MASP2: variants seen among roughly 807,000 people sequenced by gnomAD.
The protein encoded by MASP2 is MBL associated serine protease 2, also known as mannan-binding lectin serine protease 2.
In MASP2, 49 loss-of-function variants were observed where a neutral mutation model predicts 57.1. The ratio of observed to expected loss-of-function variants is 0.86; its 90% CI spans 0.68 to 1.09. The LOEUF is 1.09. MASP2 is among the 50% of genes least tolerant of loss of function. The pLI is 0.00. For missense variants in MASP2, 900 were observed against 874.8 expected (o/e 1.03, Z -0.36); for synonymous variants, 379 against 340.8 (o/e 1.11, Z -1.24).
At chr1:11,044,963 A>T (rs1426065068) in intron 4 of MASP2, 1 of 1,610,252 alleles carries the variant, frequency 6.2e-7, no homozygotes, top group South Asian at 1.1e-5. Context: ...TCTGGAAGAG[A>T]GATCAGAGAG....
At chr1:11,031,386 A>G (rs1031218157) in intron 8 of MASP2, among the ~76,000 whole-genome samples, 1 of 151,566 alleles carries the variant, frequency 6.6e-6, no homozygotes, top group Non-Finnish European at 1.5e-5. Flanking sequence ...AAAATTAGCC[A>G]GGCGTGGTAG....
chr1:11,043,580 C>T (rs897180827), intron 4 of MASP2, 45 bp from the exon 5 acceptor site: 2 of 1,366,744 alleles, frequency 1.5e-6, no homozygotes, highest in Non-Finnish European at 2.0e-6. Context: ...TGCCCTCTAT[C>T]AGCCCTCGCA....
rs146487307 is a variant in MASP2, at chr1:11,030,192, G to A, written c.1281C>T (p.Leu427=). ...FWTSSKGEKS[L]PVCEPVCGLS... ...ATCCATTACCAGGCTCACAGACTGG[G>A]AGTGATTTTTCTCCTTTGGAGCTCG... is the stretch of plus-strand genomic sequence containing the variant. The change falls in exon 10 of 11, where the codon CTC becomes CTT. Residue 427 remains leucine, a synonymous_variant. Transcript: ENST00000400897. 1.6e-4 allele frequency: 266 copies of A among 1,612,702 alleles called. No homozygotes were observed. The highest frequency in any genetic ancestry group is 2.2e-4 in the Non-Finnish European group (257 of 1,179,244).
chr1:11,046,211 C>A, intron 3 of MASP2: 1 of 369,314 alleles, frequency 2.7e-6, no homozygotes, highest in South Asian at 2.4e-5. Flanking sequence ...TAGAGTTTCA[C>A]CGTGTTGCCC....
chr1:11,039,906 G>GGATGGATA (rs1553161565), intron 6 of MASP2, among the ~76,000 whole-genome samples: 9,836 of 125,150 alleles, frequency 0.079, 535 homozygotes, highest in Admixed American at 0.12. Context: ...ATGGATAGAT[G>GGATGGATA]GATGGATAGA....
intron 4 of MASP2, among the ~76,000 whole-genome samples, chr1:11,043,853 G>T (rs1638541890): frequency 6.7e-6 from 1 of 149,236 alleles, no homozygotes; most frequent in Non-Finnish European, 1.5e-5. Context: ...GGTGTCCTGA[G>T]CCAGAGTCGC....
At chr1:11,031,879 C>G (rs1362444623) in intron 8 of MASP2, among the ~76,000 whole-genome samples, 1 of 152,108 alleles carries the variant, frequency 6.6e-6, no homozygotes, top group Non-Finnish European at 1.5e-5. Context: ...CACCACTGCA[C>G]TACCGCCTGG....
Position 11,046,561 on chromosome 1 carries a change from G to A in MASP2, c.407C>T (p.Ala136Val). 2 of 1,613,838 alleles carry A rather than the reference G, an allele frequency of 1.2e-6. No homozygotes were observed. Among genetic ancestry groups the A allele is most frequent in the Non-Finnish European group, 1.7e-6 (2 of 1,180,004 alleles). Residue 136 changes from alanine (A) to valine (V), a missense_variant, in exon 3 of 11, where the codon GCC becomes GTC. Coordinates refer to ENST00000400897, the MANE Select transcript of MASP2 (RefSeq NM_006610.4). ...CAGGACCCCTCTTGGCTCACCCTCG[G>A]CTGCATAGAAGGCCTCGAACCCCGT... ...PFTGFEAFYA[A>V]EDIDECQVAP... is the part of the protein sequence containing the mutation.
At position 11,045,524 on chromosome 1, in the gene MASP2, T is replaced by A; in HGVS notation, c.428A>T (p.Gln143Leu). 1 of 1,607,656 alleles carries A rather than the reference T, an allele frequency of 6.2e-7. No individual in the cohort carries two copies. Among genetic ancestry groups the A allele is most frequent in the Non-Finnish European group, 8.5e-7 (1 of 1,178,294 alleles). The stretch of plus-strand genomic sequence containing the variant: ...GGTGGGCGCCTCTCCCGGGGCCACC[T>A]GGCACTCGTCAATGTCTGGGGGAGA... ...FYAAEDIDEC[Q>L]VAPGEAPTCD... is the part of the protein sequence containing the mutation. Residue 143 changes from glutamine (Q) to leucine (L), a missense_variant, in exon 4 of 11, where the codon CAG becomes CTG. Coordinates refer to ENST00000400897, the MANE Select transcript of MASP2 (RefSeq NM_006610.4).
chr1:11,036,953 C>G (rs1165872038), intron 7 of MASP2, among the ~76,000 whole-genome samples: 6 of 152,132 alleles, frequency 3.9e-5, no homozygotes, highest in Non-Finnish European at 8.8e-5. Context: ...CAAGACTGGG[C>G]ACATGGAACA....
intron 6 of MASP2, among the ~76,000 whole-genome samples, chr1:11,041,173 G>T (rs1164878726): frequency 6.8e-6 from 1 of 146,804 alleles, no homozygotes; most frequent in Admixed American, 6.8e-5. Context: ...ATGGGTAGAT[G>T]AATTGGATGG....
In MASP2 at chr1:11,027,023, A is replaced by G. The variant is rs767167770; in HGVS notation, c.1923T>C (p.Asp641=). The G allele has an allele frequency of 7.5e-6, 12 of 1,598,352 alleles. No homozygotes were observed. In the South Asian group the frequency reaches 7.9e-5, roughly 11 times the overall value. Residue 641 remains aspartate (D), a synonymous_variant, in exon 11 of 11, where the codon GAT becomes GAC. Transcript: ENST00000400897. ...CCACAAACCACCTCTCTGTTTCACT[A>G]TCTAGAAACACCAGTGCCCCTCCGC... The part of the protein sequence containing the change: ...GDSGGALVFL[D]SETERWFVGG...
At chr1:11,045,108 G>T in intron 4 of MASP2, 1 of 795,454 alleles carries the variant, frequency 1.3e-6, no homozygotes, top group South Asian at 1.5e-5. Context: ...CCCAAGGAAC[G>T]AGGGCTAGAT....
chr1:11,034,855 A>G lies in MASP2; in HGVS notation c.1060T>C (p.Trp354Arg). Residue 354 changes from tryptophan (W) to arginine (R), a missense_variant, in exon 8 of 11, where the codon TGG (tryptophan) becomes CGG (arginine). Physicochemically the swap from Trp to Arg is moderately radical, Grantham distance 101. Coordinates refer to ENST00000400897, the MANE Select transcript of MASP2 (RefSeq NM_006610.4). ...CTGCACGCGGGCATTGGCCGGTCCCAAGATCCATCTTTCTGACAAACTGCA... is the reference window on the plus strand; with the variant it reads ...CTGCACGCGGGCATTGGCCGGTCCCGAGATCCATCTTTCTGACAAACTGCA... Reference protein sequence around the residue: ...FTAVCQKDGSWDRPMPACSIV... With the variant: ...FTAVCQKDGSRDRPMPACSIV... 1 of 1,613,288 alleles carries G rather than the reference A, an allele frequency of 6.2e-7. No individual in the cohort carries two copies. Among genetic ancestry groups the G allele is most frequent in the East Asian group, 2.2e-5 (1 of 44,808 alleles).
At chr1:11,031,881 AC>A (rs1339747409) in intron 8 of MASP2, among the ~76,000 whole-genome samples, 1 of 151,930 alleles carries the variant, frequency 6.6e-6, no homozygotes, top group Non-Finnish European at 1.5e-5. Flanking sequence ...CCACTGCACT[AC>A]CGCCTGGGTG....
intron 8 of MASP2, 39 bp from the exon 9 acceptor site, chr1:11,030,921 T>C (rs1643833738): frequency 6.3e-7 from 1 of 1,597,708 alleles, no homozygotes; most frequent in Non-Finnish European, 8.5e-7. Flanking sequence ...CCATTGATCA[T>C]TTCAGTGCTA....
At chr1:11,034,352 T>A in intron 8 of MASP2, among the ~76,000 whole-genome samples, 2 of 139,810 alleles carry the variant, frequency 1.4e-5, no homozygotes, top group African/African-American at 2.7e-5. Flanking sequence ...GAGAGATGAG[T>A]AAAAAGAAGC....
intron 6 of MASP2, among the ~76,000 whole-genome samples, chr1:11,041,181 T>G (rs922997802): frequency 2.2e-5 from 3 of 138,360 alleles, no homozygotes; most frequent in African/African-American, 8.2e-5. Flanking sequence ...ATGAATTGGA[T>G]GGATGGATGG....
At chr1:11,043,291 G>T in intron 5 of MASP2, 48 bp downstream of exon 5, 1 of 1,519,226 alleles carries the variant, frequency 6.6e-7, no homozygotes, top group Non-Finnish European at 9.0e-7. Context: ...GGTGCAGCTG[G>T]GCTGAGGGGG....
Sources: allele counts gnomAD v4.1 joint callset (sites outside exome capture counted in the v4.1 genomes callset), GRCh38; gene constraint gnomAD v4.1.1; transcripts MANE v1.5; gene names NCBI Gene and HGNC (gene_info 2026-07-23, HGNC 2026-07-21).